Variants in NF2 observed in about 807,000 individuals in gnomAD.
The protein encoded by NF2 is merlin.
In NF2, 8 loss-of-function variants were observed where a neutral mutation model predicts 83.7. That is an observed-to-expected ratio of 0.10 (90% CI 0.06 to 0.17). The LOEUF (loss-of-function observed/expected upper bound fraction) is 0.17. Among genes scored for constraint, NF2 ranks in the 10% least tolerant of loss-of-function variants. The pLI, the probability that NF2 is intolerant of heterozygous loss-of-function variation, is 1.00. For missense variants in NF2, 533 were observed against 744.4 expected (o/e 0.72, Z 3.31); for synonymous variants, 266 against 269.6 (o/e 0.99, Z 0.13).
intron 1 of NF2, among the ~76,000 whole-genome samples, chr22:29,633,302 A>C (rs1230450801): frequency 1.3e-5 from 2 of 152,202 alleles, no homozygotes; most frequent in Admixed American, 6.5e-5. Flanking sequence ...TATCCCTGCC[A>C]GATTTGCTGC....
chr22:29,639,881 CAAAAAAAAAAA>C (rs763315832), intron 3 of NF2, among the ~76,000 whole-genome samples: 6 of 21,200 alleles, frequency 2.8e-4, no homozygotes, highest in South Asian at 1.8e-3. Flanking sequence ...GGTTCCGTCT[CAAAAAAAAAAA>C]AAAAAAAAAA....
intron 1 of NF2, among the ~76,000 whole-genome samples, chr22:29,635,839 A>C (rs1364832798): frequency 6.6e-6 from 1 of 152,068 alleles, no homozygotes; most frequent in East Asian, 1.9e-4. Flanking sequence ...TTGTATTTGA[A>C]TGTCCATCTG....
intron 1 of NF2, chr22:29,609,187 C>G (rs2064883849): frequency 2.7e-6 from 2 of 742,210 alleles, no homozygotes; most frequent in East Asian, 2.6e-5. Context: ...AACCAGGAAC[C>G]TCAGTTCAGT....
chr22:29,644,083 A>G (rs2065903049), intron 4 of NF2, among the ~76,000 whole-genome samples: 1 of 151,012 alleles, frequency 6.6e-6, no homozygotes, highest in South Asian at 2.1e-4. Flanking sequence ...CACTTCCCAG[A>G]CGGGGTGGCT....
chr22:29,670,361 A>G (rs1377938395), intron 10 of NF2, among the ~76,000 whole-genome samples: 1 of 152,004 alleles, frequency 6.6e-6, no homozygotes, highest in African/African-American at 2.4e-5. Flanking sequence ...AATTGTAGAT[A>G]TGTAGTAAGC....
At chr22:29,687,582 G>T (rs1040707327) in intron 15 of NF2, among the ~76,000 whole-genome samples, 2 of 152,182 alleles carry the variant, frequency 1.3e-5, no homozygotes, top group African/African-American at 4.8e-5. Context: ...CCCTGAAGAT[G>T]GCTCCTAAAT....
chr22:29,608,911 C>A, intron 1 of NF2: 1 of 538,712 alleles, frequency 1.9e-6, no homozygotes, highest in Non-Finnish European at 3.4e-6. Flanking sequence ...TGGCATCGGG[C>A]TGCAAGATTG....
chr22:29,606,628 T>A (rs2064805549), intron 1 of NF2, among the ~76,000 whole-genome samples: 1 of 152,194 alleles, frequency 6.6e-6, no homozygotes, highest in Non-Finnish European at 1.5e-5. Flanking sequence ...AAGGTTTTGG[T>A]AAGAGGCAAC....
intron 15 of NF2, among the ~76,000 whole-genome samples, chr22:29,684,373 CT>C (rs201303695): frequency 0.054 from 8,290 of 152,226 alleles, 298 homozygotes; most frequent in Non-Finnish European, 0.078. Flanking sequence ...CCTTGGTTTA[CT>C]GAACTTTTTG....
At chr22:29,623,827 A>G (rs746314175) in intron 1 of NF2, among the ~76,000 whole-genome samples, 18 of 152,220 alleles carry the variant, frequency 1.2e-4, no homozygotes, top group Non-Finnish European at 2.2e-4. Flanking sequence ...CCTTGGGCGC[A>G]TCACTTATTT....
chr22:29,655,961 CAG>C (rs1359076655), intron 6 of NF2, among the ~76,000 whole-genome samples: 11 of 149,056 alleles, frequency 7.4e-5, no homozygotes, highest in Admixed American at 5.4e-4. Context: ...TTTTTTGAGA[CAG>C]AGTCTTGCTC....
rs993306230 is a variant in NF2 at position 29,649,229 on chromosome 22, T to C, written c.448-5428T>C. Among the ~76,000 whole-genome samples, 8 of 152,024 alleles carry C rather than the reference T, an allele frequency of 5.3e-5. No individual in the cohort carries two copies. In the South Asian group the frequency reaches 8.3e-4, roughly 16 times the overall value. ...GAAATGTCCAGAACAGGCAAATCCATAGAGACAGAAAGTAGATTTAGTGGT... is the reference window on the plus strand; with the variant it reads ...GAAATGTCCAGAACAGGCAAATCCACAGAGACAGAAAGTAGATTTAGTGGT... On this transcript the variant is annotated intron_variant, in intron 4 of 15. Transcript: ENST00000338641.
chr22:29,655,148 G>A (rs1461149999), intron 5 of NF2, among the ~76,000 whole-genome samples: 1 of 152,140 alleles, frequency 6.6e-6, no homozygotes, highest in African/African-American at 2.4e-5. Flanking sequence ...ACAGAAGCAG[G>A]CCCGCCCTCC....
Position 29,604,008 on chromosome 22 carries a change from G to T in NF2, c.10G>T (p.Ala4Ser), listed in dbSNP as rs2146659577. 1 of 1,585,770 alleles carries T rather than the reference G, an allele frequency of 6.3e-7. No individual in the cohort carries two copies. Among genetic ancestry groups the T allele is most frequent in the African/African-American group, 1.3e-5 (1 of 74,548 alleles). ...GCCTGAGCCCCGCGCCATGGCCGGG[G>T]CCATCGCTTCCCGCATGAGCTTCAG... is the stretch of plus-strand genomic sequence containing the variant. MAG[A>S]IASRMSFSSL... Residue 4 changes from alanine (A) to serine (S), a missense_variant, in exon 1 of 16, where the codon GCC becomes TCC. Coordinates refer to ENST00000338641, the MANE Select transcript of NF2 (RefSeq NM_000268.4).
rs1245524936 is a variant in NF2, at chr22:29,698,290, C to G, written c.*3488C>G. On this transcript the variant is annotated 3_prime_UTR_variant, in exon 16 of 16. Transcript: ENST00000338641. ...CTCTCTTTCCCTCTCTTTTTTTTGTCAAAAGCCCAGAGACTGACAACCAGC... is the reference window on the plus strand; with the variant it reads ...CTCTCTTTCCCTCTCTTTTTTTTGTGAAAAGCCCAGAGACTGACAACCAGC... The G allele has an allele frequency of 4.4e-6, 1 of 225,062 alleles. No homozygotes were observed. Among genetic ancestry groups the G allele is most frequent in the African/African-American group, 2.2e-5 (1 of 44,758 alleles). The allele number at this position is 225,062 out of a possible 1,614,324, so 13.9% of individuals were successfully genotyped here.
At chr22:29,629,259 C>T (rs1418805919) in intron 1 of NF2, among the ~76,000 whole-genome samples, 2 of 152,178 alleles carry the variant, frequency 1.3e-5, no homozygotes, top group Non-Finnish European at 2.9e-5. Context: ...TTATCAGTGT[C>T]AGACATATAT....
intron 4 of NF2, 70 bp downstream of exon 4, chr22:29,642,355 T>C: frequency 7.9e-7 from 1 of 1,272,182 alleles, no homozygotes; most frequent in South Asian, 1.2e-5. Flanking sequence ...TCCTATCTTC[T>C]CTTTCTTTGG....
chr22:29,629,816 A>G (rs957075115), intron 1 of NF2, among the ~76,000 whole-genome samples: 2 of 152,268 alleles, frequency 1.3e-5, no homozygotes, highest in African/African-American at 4.8e-5. Flanking sequence ...TTAGCCCACC[A>G]GACCCCTATG....
At position 29,658,176 on chromosome 22, in the gene NF2, G is replaced by A. The variant is rs374509697; in HGVS notation, c.600-13G>A. On this transcript the variant is annotated splice_polypyrimidine_tract_variant and intron_variant, in intron 6 of 15. Transcript: ENST00000338641. ...CTTAGCTCCAATGACAGTGTCTTCC[G>A]TTCTCCCCACAGGGATGAAGCTGAA... is the stretch of plus-strand genomic sequence containing the variant. The A allele has an allele frequency of 2.4e-5, 39 of 1,613,516 alleles. No homozygotes were observed. The highest frequency in any genetic ancestry group is 1.7e-4 in the Middle Eastern group (1 of 5,818).
Sources: allele counts gnomAD v4.1 joint callset (sites outside exome capture counted in the v4.1 genomes callset), GRCh38; gene constraint gnomAD v4.1.1; transcripts MANE v1.5; gene names NCBI Gene and HGNC (gene_info 2026-07-23, HGNC 2026-07-21).